Variants in CCNY observed in about 807,000 individuals in gnomAD.
The protein encoded by CCNY is cyclin Y.
Under a neutral mutation model 42.8 loss-of-function variants are expected in CCNY, and 19 were observed. That is an observed-to-expected ratio of 0.44 (90% CI 0.31 to 0.65). CCNY has a LOEUF of 0.65. Among genes scored for constraint, CCNY ranks in the 30% least tolerant of loss-of-function variants. The pLI is 0.07. For synonymous variants in CCNY, 165 were observed against 162.7 expected (o/e 1.01, Z -0.11); for missense variants, 370 against 437.3 (o/e 0.85, Z 1.37).
At chr10:35,556,597 G>A (rs1450746209) in intron 8 of CCNY, among the ~76,000 whole-genome samples, 1 of 152,124 alleles carries the variant, frequency 6.6e-6, no homozygotes, top group East Asian at 1.9e-4. Context: ...GAATAGACAC[G>A]TTTTCCCCCT....
At chr10:35,322,819 A>T (rs1268018303) in intron 3 of CCNY, among the ~76,000 whole-genome samples, 1 of 152,268 alleles carries the variant, frequency 6.6e-6, no homozygotes, top group Non-Finnish European at 1.5e-5. Context: ...GGTGAAAATT[A>T]AAAAGACTGA....
chr10:35,534,452 A>G (rs953055654), intron 7 of CCNY, among the ~76,000 whole-genome samples: 3 of 152,190 alleles, frequency 2.0e-5, no homozygotes, highest in African/African-American at 7.2e-5. Context: ...AGAGGGAGAA[A>G]GAGAGGAAGT....
At chr10:35,447,322 C>G (rs1277679480) in intron 1 of CCNY, among the ~76,000 whole-genome samples, 2 of 152,168 alleles carry the variant, frequency 1.3e-5, no homozygotes, top group Non-Finnish European at 2.9e-5. Context: ...TAGTTTAACA[C>G]GTGGCTTTGT....
At chr10:35,488,864 A>T (rs1839840016) in intron 2 of CCNY, among the ~76,000 whole-genome samples, 1 of 152,248 alleles carries the variant, frequency 6.6e-6, no homozygotes, top group South Asian at 2.1e-4. Context: ...GAAATTTCAT[A>T]TCACTCCTTT....
At chr10:35,335,629 G>A (rs1233883657), upstream of CCNY, among the ~76,000 whole-genome samples, 1 of 152,072 alleles carries the variant, frequency 6.6e-6, no homozygotes, top group African/African-American at 2.4e-5. Flanking sequence ...CAGACGGGAG[G>A]ATTCCTTGAA....
chr10:35,311,809 C>T (rs753699559), intron 3 of CCNY, among the ~76,000 whole-genome samples: 12 of 151,418 alleles, frequency 7.9e-5, no homozygotes, highest in Non-Finnish European at 1.2e-4. Flanking sequence ...AAGGTAGGGA[C>T]ACCCCCTCTC....
intron 1 of CCNY, among the ~76,000 whole-genome samples, chr10:35,350,241 T>G (rs565488979): frequency 4.6e-5 from 7 of 152,258 alleles, no homozygotes; most frequent in Non-Finnish European, 1.0e-4. Flanking sequence ...ATAATTCACT[T>G]AATTTTTTGC....
intron 3 of CCNY, among the ~76,000 whole-genome samples, chr10:35,285,278 C>T (rs541020592): frequency 9.2e-5 from 14 of 152,166 alleles, no homozygotes; most frequent in African/African-American, 2.2e-4. Context: ...TCAAGTGATC[C>T]GCCCACCTCG....
rs372862951 is a variant in CCNY, at chr10:35,553,191, T to A, written c.746+6T>A. The stretch of plus-strand genomic sequence containing the variant: ...GACATCACGGTGGAGGACATGTGAG[T>A]TGGGGGGCAGAGGGTGTTGGTCATC... On this transcript the variant is annotated splice_donor_region_variant and intron_variant, in intron 8 of 9. Coordinates refer to ENST00000374704, the MANE Select transcript of CCNY (RefSeq NM_145012.6). 1 of 1,612,660 alleles carries A rather than the reference T, an allele frequency of 6.2e-7. No individual in the cohort carries two copies. Among genetic ancestry groups the A allele is most frequent in the African/African-American group, 1.3e-5 (1 of 74,836 alleles).
intron 1 of CCNY, among the ~76,000 whole-genome samples, chr10:35,346,574 G>A (rs1836308298): frequency 6.6e-6 from 1 of 152,176 alleles, no homozygotes; most frequent in Non-Finnish European, 1.5e-5. Context: ...ATAGATAAGT[G>A]GAAAACCTGT....
chr10:35,286,697 T>C (rs1835358982), intron 3 of CCNY, among the ~76,000 whole-genome samples: 2 of 146,824 alleles, frequency 1.4e-5, no homozygotes, highest in South Asian at 2.2e-4. Context: ...TCTCGCTCTG[T>C]TGCCCATGCT....
At chr10:35,266,658 G>T (rs111614399) in intron 3 of CCNY, among the ~76,000 whole-genome samples, 12 of 152,254 alleles carry the variant, frequency 7.9e-5, no homozygotes, top group Middle Eastern at 3.4e-3. Context: ...CCTACAGTGG[G>T]TGATGCGGGG....
intron 1 of CCNY, among the ~76,000 whole-genome samples, chr10:35,360,792 A>G (rs1162136234): frequency 6.6e-6 from 1 of 152,188 alleles, no homozygotes; most frequent in Admixed American, 6.5e-5. Context: ...AAATTTGATA[A>G]TATATTAATA....
intron 1 of CCNY, among the ~76,000 whole-genome samples, chr10:35,414,105 G>C (rs988024012): frequency 2.0e-5 from 3 of 152,174 alleles, no homozygotes; most frequent in Non-Finnish European, 4.4e-5. Flanking sequence ...TGTGTAACAA[G>C]TTACCAGAAA....
intron 7 of CCNY, among the ~76,000 whole-genome samples, chr10:35,531,749 A>G (rs1209765272): frequency 6.6e-6 from 1 of 152,166 alleles, no homozygotes; most frequent in East Asian, 1.9e-4. Context: ...TTCTACCTTT[A>G]ATTCCTAAGA....
At chr10:35,416,786 C>T (rs1838034315) in intron 1 of CCNY, among the ~76,000 whole-genome samples, 1 of 152,054 alleles carries the variant, frequency 6.6e-6, no homozygotes, top group Admixed American at 6.5e-5. Context: ...GCCCTGTTGC[C>T]CTGGAGATCA....
At position 35,505,246 on chromosome 10, in the gene CCNY, C is replaced by A. The variant is rs542123777; in HGVS notation, c.264+3711C>A. ...TTCCTGCCACCTGGTGATAGCACAC[C>A]AAAAATGAATGGGTTATTCTAAGAA... is the stretch of plus-strand genomic sequence containing the variant. On this transcript the variant is annotated intron_variant, in intron 3 of 9. Coordinates refer to ENST00000374704, the MANE Select transcript of CCNY (RefSeq NM_145012.6). Among the ~76,000 whole-genome samples the A allele has an allele frequency of 5.6e-5, 8 of 142,788 alleles. No individual in the cohort carries two copies. In the South Asian group the frequency reaches 1.6e-3, roughly 28 times the overall value. The allele number at this position is 142,788 out of a possible 152,430, so 93.7% of individuals were successfully genotyped here.
At chr10:35,471,512 A>G (rs1052502958) in intron 1 of CCNY, among the ~76,000 whole-genome samples, 4 of 152,206 alleles carry the variant, frequency 2.6e-5, no homozygotes, top group Non-Finnish European at 5.9e-5. Flanking sequence ...TTACTGTGAC[A>G]TCTGTGGAAA....
intron 8 of CCNY, 21 bp from the exon 9 acceptor site, chr10:35,566,002 A>G (rs1841562411): frequency 6.2e-7 from 1 of 1,607,218 alleles, no homozygotes; most frequent in South Asian, 1.1e-5. Flanking sequence ...AGCATAGGCT[A>G]TTTTTGTCTT....
Sources: allele counts gnomAD v4.1 joint callset (sites outside exome capture counted in the v4.1 genomes callset), GRCh38; gene constraint gnomAD v4.1.1; transcripts MANE v1.5; gene names NCBI Gene and HGNC (gene_info 2026-07-23, HGNC 2026-07-21).